Variants in SLC30A6 observed in about 807,000 individuals in gnomAD.
SLC30A6 encodes zinc transporter 6.
In SLC30A6, 55 loss-of-function variants were observed where a neutral mutation model predicts 63.0. The observed-to-expected ratio is 0.87, with a 90% CI of 0.70 to 1.09. The LOEUF (loss-of-function observed/expected upper bound fraction) is 1.09, where lower values mean the gene tolerates loss of function less well. Ranked by LOEUF, SLC30A6 falls within the 50% of genes least tolerant of loss-of-function variation. The pLI is 0.00. For synonymous variants in SLC30A6, 224 were observed against 186.1 expected, an observed-to-expected ratio of 1.20 and a Z score of -1.66; for missense variants, 587 against 549.2, an observed-to-expected ratio of 1.07 and a Z score of -0.69.
rs188137769 is a variant in SLC30A6 at position 32,194,409 on chromosome 2, T to C, written c.496+426T>C. ...CCCAGGAACTTCTCTTTGGCAATGG[T>C]GGATGGGCATATATGTTTGCAAGTA... is the stretch of plus-strand genomic sequence containing the variant. On this transcript the variant is annotated intron_variant, in intron 8 of 13. Transcript: ENST00000282587. 8.1e-3 allele frequency among the ~76,000 whole-genome samples: 1,237 copies of C among 152,358 alleles called. 18 individuals carry two copies. Among genetic ancestry groups the C allele is most frequent in the Non-Finnish European group, 0.012 (833 of 68,028 alleles).
chr2:32,189,897 A>G (rs1316335847), intron 5 of SLC30A6, among the ~76,000 whole-genome samples: 1 of 151,998 alleles, frequency 6.6e-6, no homozygotes, highest in Non-Finnish European at 1.5e-5. Flanking sequence ...CACCGTGCCC[A>G]GCTGTTATTG....
chr2:32,184,236 T>C (rs1008350377), intron 4 of SLC30A6, 37 bp from the exon 5 acceptor site: 1 of 1,228,764 alleles, frequency 8.1e-7, no homozygotes, highest in South Asian at 1.6e-5. Context: ...TGTTCTCTTC[T>C]AGTTCTAATA....
chr2:32,198,655 C>G (rs1364013445), intron 10 of SLC30A6, among the ~76,000 whole-genome samples: 1 of 152,184 alleles, frequency 6.6e-6, no homozygotes, highest in African/African-American at 2.4e-5. Flanking sequence ...ATGATCTCAG[C>G]TCACTGCAAC....
chr2:32,189,098 T>C (rs1683093128), intron 5 of SLC30A6, among the ~76,000 whole-genome samples: 1 of 152,160 alleles, frequency 6.6e-6, no homozygotes, highest in Admixed American at 6.5e-5. Context: ...TTAGTGCACA[T>C]GTGTACCCAT....
At chr2:32,206,567 A>G (rs1245624052) in intron 11 of SLC30A6, among the ~76,000 whole-genome samples, 1 of 152,180 alleles carries the variant, frequency 6.6e-6, no homozygotes, top group African/African-American at 2.4e-5. Flanking sequence ...TAAAAATAAG[A>G]TAATAGTTGC....
intron 10 of SLC30A6, chr2:32,201,967 T>G: frequency 4.3e-6 from 6 of 1,408,292 alleles, no homozygotes; most frequent in Non-Finnish European, 4.9e-6. Flanking sequence ...AGATGAATTC[T>G]CTAAATCTCA....
At chr2:32,171,878 G>A (rs1451427266) in intron 2 of SLC30A6, among the ~76,000 whole-genome samples, 1 of 152,112 alleles carries the variant, frequency 6.6e-6, no homozygotes, top group Non-Finnish European at 1.5e-5. Flanking sequence ...ATTTTTAGTA[G>A]AGATGGGGTT....
intron 7 of SLC30A6, among the ~76,000 whole-genome samples, chr2:32,193,335 G>T (rs1683504713): frequency 6.6e-6 from 1 of 152,080 alleles, no homozygotes; most frequent in South Asian, 2.1e-4. Context: ...AGCACTTTGG[G>T]AGGCTAAGGC....
intron 5 of SLC30A6, among the ~76,000 whole-genome samples, chr2:32,186,133 C>T (rs1415897429): frequency 1.3e-5 from 2 of 152,026 alleles, no homozygotes; most frequent in East Asian, 1.9e-4. Flanking sequence ...CTACCAGATT[C>T]GATCAATTCT....
In SLC30A6 at chr2:32,220,758, C is replaced by T; in HGVS notation, c.*45C>T. On this transcript the variant is annotated 3_prime_UTR_variant, in exon 14 of 14. Transcript: ENST00000282587. The stretch of plus-strand genomic sequence containing the variant: ...ATAAGGAATATTGACTCCTTGGCTT[C>T]CAATTTATTTAGTAATCCAACTTTG... 1 of 1,532,690 alleles carries T rather than the reference C, an allele frequency of 6.5e-7. No individual in the cohort carries two copies. Among genetic ancestry groups the T allele is most frequent in the Non-Finnish European group, 8.8e-7 (1 of 1,134,342 alleles). 94.9% of individuals were successfully genotyped at this position (1,532,690 alleles called of 1,614,324 possible).
chr2:32,207,993 C>T (rs1361099116), intron 12 of SLC30A6, among the ~76,000 whole-genome samples: 1 of 152,062 alleles, frequency 6.6e-6, no homozygotes, highest in African/African-American at 2.4e-5. Flanking sequence ...CCACCAGGCC[C>T]GGCCTAACTT....
chr2:32,195,190 C>G (rs1265530870), intron 8 of SLC30A6, among the ~76,000 whole-genome samples: 1 of 148,172 alleles, frequency 6.7e-6, no homozygotes, highest in African/African-American at 2.5e-5. Flanking sequence ...ACCTCTGCCT[C>G]CTTGGTTCAA....
chr2:32,201,813 G>T, intron 10 of SLC30A6: 1 of 1,399,526 alleles, frequency 7.1e-7, no homozygotes, highest in African/African-American at 1.4e-5. Context: ...ACAGAAGGAA[G>T]TCAAGCCACC....
intron 7 of SLC30A6, among the ~76,000 whole-genome samples, chr2:32,193,628 A>G (rs1407633429): frequency 6.6e-6 from 1 of 152,212 alleles, no homozygotes; most frequent in South Asian, 2.1e-4. Flanking sequence ...TGATATTTAT[A>G]CAGATTTATA....
chr2:32,177,466 AT>A, intron 4 of SLC30A6: 1 of 235,872 alleles, frequency 4.2e-6, no homozygotes, highest in Non-Finnish European at 8.8e-6. Flanking sequence ...AATTTTTTGT[AT>A]TTTTATTAGA....
intron 13 of SLC30A6, among the ~76,000 whole-genome samples, chr2:32,216,675 A>AT (rs1685740039): frequency 6.6e-6 from 1 of 151,772 alleles, no homozygotes; most frequent in Non-Finnish European, 1.5e-5. Context: ...GATGATGAGC[A>AT]TTTTTTTCAT....
chr2:32,222,628 A>G lies in SLC30A6; in HGVS notation c.*1915A>G, dbSNP rs1686201151. 1 of 152,224 alleles carries G rather than the reference A, an allele frequency of 6.6e-6. No homozygotes were observed. Among genetic ancestry groups the G allele is most frequent in the South Asian group, 2.1e-4 (1 of 4,836 alleles). The allele number at this position is 152,224 out of a possible 1,614,324, so 9.4% of individuals were successfully genotyped here. A position where few individuals can be genotyped will look rare whatever the true frequency, so the allele number is the denominator to read the frequency against. On this transcript the variant is annotated 3_prime_UTR_variant, in exon 14 of 14. Transcript: ENST00000282587. ...CCCCTGTTCAGGCATGTGACCTGCT[A>G]AAGAAATACAGCCTACACTACCTTG...
At chr2:32,179,698 A>G (rs1682113969) in intron 4 of SLC30A6, among the ~76,000 whole-genome samples, 1 of 152,208 alleles carries the variant, frequency 6.6e-6, no homozygotes, top group African/African-American at 2.4e-5. Context: ...AACAGTGTAT[A>G]TAGTATGCTG....
intron 12 of SLC30A6, among the ~76,000 whole-genome samples, chr2:32,209,080 T>C (rs1223164838): frequency 2.0e-5 from 3 of 152,148 alleles, no homozygotes; most frequent in African/African-American, 7.2e-5. Flanking sequence ...TCCTGTGTTG[T>C]GCAGAGATTT....
Sources: gnomAD v4.1 joint callset for allele counts (sites outside exome capture counted in the v4.1 genomes callset) on GRCh38, gnomAD v4.1.1 for gene constraint, MANE v1.5 for transcripts, NCBI Gene and HGNC (gene_info 2026-07-23, HGNC 2026-07-21) for gene names.